The following SOCS2 variants were observed in gnomAD, a reference collection of about 807,000 sequenced individuals.
SOCS2 encodes suppressor of cytokine signaling 2.
Under a neutral mutation model 18.6 loss-of-function variants are expected in SOCS2, and 10 were observed. The observed-to-expected ratio is 0.54, with a 90% CI of 0.33 to 0.91. SOCS2 has a LOEUF of 0.91. SOCS2 is among the 40% of genes least tolerant of loss of function. The probability of loss-of-function intolerance (pLI) is 0.02; values close to 1 mark genes in which losing one functional copy is unlikely to be tolerated. For synonymous variants in SOCS2, 104 were observed against 104.0 expected (o/e 1.00, Z 0.00); for missense variants, 231 against 247.2 (o/e 0.93, Z 0.44).
At chr12:93,582,327 G>A (rs998570569) in intron 1 of SOCS2, among the ~76,000 whole-genome samples, 1 of 152,152 alleles carries the variant, frequency 6.6e-6, no homozygotes, top group Non-Finnish European at 1.5e-5. Flanking sequence ...TTTATCCTGA[G>A]GGCAGTAGGG....
At chr12:93,578,382 G>T (rs550699561), downstream of SOCS2, among the ~76,000 whole-genome samples, 2 of 152,278 alleles carry the variant, frequency 1.3e-5, no homozygotes, top group South Asian at 4.1e-4. Context: ...GGAATGTCCT[G>T]AGACCAGGCT....
chr12:93,602,668 C>G, the SOCS2 span, among the ~76,000 whole-genome samples: 3 of 152,108 alleles, frequency 2.0e-5, no homozygotes, highest in Non-Finnish European at 2.9e-5. Context: ...TTGGGTAGTA[C>G]TCACCACTTA....
chr12:93,614,579 CT>C, the SOCS2 span, among the ~76,000 whole-genome samples: 1 of 86,924 alleles, frequency 1.2e-5, no homozygotes, highest in African/African-American at 5.7e-5. Context: ...TTCTTTCTTT[CT>C]TTCTTTCTTT....
At position 93,574,717 on chromosome 12, in the gene SOCS2, C is replaced by T. The variant is rs1351916138; in HGVS notation, c.140-5C>T. On this transcript the variant is annotated splice_polypyrimidine_tract_variant and splice_region_variant and intron_variant, in intron 1 of 1. Coordinates refer to ENST00000551556, the MANE Select transcript of SOCS2 (RefSeq NM_001270471.2). ...TTTCTTTTTCTTTTTGAACAAAAACCCCAGGATGGTACTGGGGAAGTATGA... is the reference window on the plus strand; with the variant it reads ...TTTCTTTTTCTTTTTGAACAAAAACTCCAGGATGGTACTGGGGAAGTATGA... 6.3e-7 allele frequency: 1 copy of T among 1,581,746 alleles called. No individual in the cohort carries two copies. Among genetic ancestry groups the T allele is most frequent in the Admixed American group, 1.9e-5 (1 of 53,862 alleles).
the SOCS2 span, among the ~76,000 whole-genome samples, chr12:93,624,927 G>T: frequency 6.6e-5 from 10 of 152,204 alleles, no homozygotes; most frequent in African/African-American, 2.2e-4. Context: ...AGTGACTAAT[G>T]CTTCTTCCTG....
chr12:93,590,548 G>C, the SOCS2 span, among the ~76,000 whole-genome samples: 6 of 151,898 alleles, frequency 4.0e-5, no homozygotes, highest in East Asian at 1.2e-3. Flanking sequence ...TGTAATCCCA[G>C]CACTTTGGGA....
At chr12:93,590,557 G>C in the SOCS2 span, among the ~76,000 whole-genome samples, 182 of 151,876 alleles carry the variant, frequency 1.2e-3, no homozygotes, top group Middle Eastern at 6.8e-3. Flanking sequence ...AGCACTTTGG[G>C]AGGCCGAAGT....
the SOCS2 span, among the ~76,000 whole-genome samples, chr12:93,614,825 G>A: frequency 6.6e-6 from 1 of 151,202 alleles, no homozygotes; most frequent in Admixed American, 6.6e-5. Flanking sequence ...TGTTGGCTAG[G>A]CTGGTCTTGA....
the SOCS2 span, among the ~76,000 whole-genome samples, chr12:93,618,809 A>G: frequency 4.6e-5 from 7 of 152,220 alleles, no homozygotes; most frequent in Non-Finnish European, 1.0e-4. Flanking sequence ...CATAAGCCCC[A>G]TAAGGGCAAG....
At chr12:93,624,718 C>T in the SOCS2 span, among the ~76,000 whole-genome samples, 2 of 152,170 alleles carry the variant, frequency 1.3e-5, no homozygotes, top group African/African-American at 4.8e-5. Flanking sequence ...TACATGAATG[C>T]TGCAGGCATC....
In SOCS2 at chr12:93,574,478, T is replaced by G. The variant is rs41343845; in HGVS notation, c.140-244T>G. On this transcript the variant is annotated intron_variant, in intron 1 of 1. Transcript: ENST00000551556. The stretch of plus-strand genomic sequence containing the variant: ...AAATCTTAAGAAGAGCTTCAGAAAG[T>G]TGATTTTTTAAAAAAGAAAGAAAAC... 6.8e-4 allele frequency: 244 copies of G among 361,326 alleles called. 1 individual carries two copies. Among genetic ancestry groups the G allele is most frequent in the African/African-American group, 4.8e-3 (230 of 47,796 alleles). 22.4% of individuals were successfully genotyped at this position (361,326 alleles called of 1,614,324 possible). A position where few individuals can be genotyped will look rare whatever the true frequency, so the allele number is the denominator to read the frequency against.
chr12:93,578,531 CTTTCATTTACT>C (rs1428754688), downstream of SOCS2, among the ~76,000 whole-genome samples: 3 of 152,078 alleles, frequency 2.0e-5, no homozygotes, highest in South Asian at 6.2e-4. Context: ...TCTTGTAGGC[CTTTCATTTACT>C]TAAGAGGTCT....
chr12:93,589,975 CG>C, the SOCS2 span, among the ~76,000 whole-genome samples: 1 of 152,116 alleles, frequency 6.6e-6, no homozygotes, highest in Non-Finnish European at 1.5e-5. Context: ...CCTTCCAGGC[CG>C]GGTGTGGTGG....
At chr12:93,586,833 C>T (rs1032507375), downstream of SOCS2, among the ~76,000 whole-genome samples, 6 of 152,130 alleles carry the variant, frequency 3.9e-5, no homozygotes, top group African/African-American at 1.4e-4. Flanking sequence ...TGAGCATCTA[C>T]TTGTTGTAGT....
chr12:93,621,950 A>G, the SOCS2 span, among the ~76,000 whole-genome samples: 2 of 152,208 alleles, frequency 1.3e-5, no homozygotes, highest in African/African-American at 2.4e-5. Flanking sequence ...TGATGTGAGT[A>G]CTTGCTATTA....
At chr12:93,584,143 G>A (rs1245169277), downstream of SOCS2, among the ~76,000 whole-genome samples, 3 of 152,120 alleles carry the variant, frequency 2.0e-5, no homozygotes, top group African/African-American at 7.2e-5. Flanking sequence ...GTGGGGACAG[G>A]GAGACAGAAC....
chr12:93,613,580 G>A, the SOCS2 span, among the ~76,000 whole-genome samples: 1 of 152,198 alleles, frequency 6.6e-6, no homozygotes, highest in East Asian at 1.9e-4. Flanking sequence ...ACGGGCTACT[G>A]AGAAGCTCAA....
chr12:93,600,233 AAC>A, the SOCS2 span, among the ~76,000 whole-genome samples: 1 of 152,148 alleles, frequency 6.6e-6, no homozygotes, highest in Non-Finnish European at 1.5e-5. Flanking sequence ...CCACTTATTG[AAC>A]AGTCTTTTCC....
downstream of SOCS2, among the ~76,000 whole-genome samples, chr12:93,585,379 T>C (rs1954577505): frequency 6.6e-6 from 1 of 152,128 alleles, no homozygotes; most frequent in African/African-American, 2.4e-5. Context: ...GCAAGGAGAA[T>C]CAGAGGATCT....
Sources: allele counts gnomAD v4.1 joint callset (sites outside exome capture counted in the v4.1 genomes callset), GRCh38; gene constraint gnomAD v4.1.1; transcripts MANE v1.5; gene names NCBI Gene and HGNC (gene_info 2026-07-23, HGNC 2026-07-21).